The following CNBD1 variants were observed in gnomAD, a reference collection of about 807,000 sequenced individuals.
CNBD1 encodes the protein cyclic nucleotide binding domain containing 1, also known as cyclic nucleotide-binding domain-containing protein 1.
A neutral mutation model predicts 54.4 loss-of-function variants in CNBD1; 71 were observed. The ratio of observed to expected loss-of-function variants is 1.30; its 90% CI spans 1.08 to 1.59. The LOEUF is 1.59. CNBD1 is among the 40% of genes most tolerant of loss of function. CNBD1 has a pLI of 0.00. For synonymous variants in CNBD1, 182 were observed against 170.7 expected (o/e 1.07, Z -0.51); for missense variants, 659 against 518.0 (o/e 1.27, Z -2.64).
chr8:87,372,223 G>T (rs1331377988), intron 10 of CNBD1, among the ~76,000 whole-genome samples: 1 of 151,970 alleles, frequency 6.6e-6, no homozygotes, highest in Non-Finnish European at 1.5e-5. Context: ...AATCATGAGT[G>T]AACTCCCGTT....
At chr8:86,872,825 C>T (rs1002209595) in intron 1 of CNBD1, among the ~76,000 whole-genome samples, 3 of 152,090 alleles carry the variant, frequency 2.0e-5, no homozygotes, top group African/African-American at 7.2e-5. Flanking sequence ...GATATTACCC[C>T]CTTATCATAG....
intron 4 of CNBD1, among the ~76,000 whole-genome samples, chr8:86,940,215 C>G (rs887581288): frequency 7.1e-6 from 1 of 139,974 alleles, no homozygotes; most frequent in Non-Finnish European, 1.5e-5. Context: ...ACTGCAACCT[C>G]TGCTTCAATG....
At chr8:87,353,349 C>T (rs1389686599) in intron 9 of CNBD1, among the ~76,000 whole-genome samples, 5 of 152,092 alleles carry the variant, frequency 3.3e-5, no homozygotes, top group South Asian at 2.1e-4. Context: ...ATCCTAGATC[C>T]TTGAAATGTG....
chr8:87,284,708 G>A lies in CNBD1; in HGVS notation c.802G>A (p.Glu268Lys), dbSNP rs1435637706. Residue 268 changes from glutamate to lysine, a missense_variant, in exon 7 of 11, where the codon GAA becomes AAA. Glu to Lys is a moderately conservative substitution (Grantham distance 56). Coordinates refer to ENST00000518476, the MANE Select transcript of CNBD1 (RefSeq NM_173538.3). ...CAAATGGAGTACCTTTGGGACTCTGGAAGTTATGCCTCAGAATGAATCGGA... is the reference window on the plus strand; with the variant it reads ...CAAATGGAGTACCTTTGGGACTCTGAAAGTTATGCCTCAGAATGAATCGGA... Reference protein sequence around the residue: ...LSKWSTFGTLEVMPQNESETQ... With the variant: ...LSKWSTFGTLKVMPQNESETQ... The A allele has an allele frequency of 6.2e-7, 1 of 1,606,348 alleles. No individual in the cohort carries two copies. The highest frequency in any genetic ancestry group is 8.5e-7 in the Non-Finnish European group (1 of 1,176,580).
At chr8:87,321,600 C>G (rs1809534353) in intron 8 of CNBD1, among the ~76,000 whole-genome samples, 1 of 152,002 alleles carries the variant, frequency 6.6e-6, no homozygotes, top group Non-Finnish European at 1.5e-5. Context: ...AACCATTTAT[C>G]AGGTATATAG....
chr8:86,931,758 T>C (rs955118715), intron 3 of CNBD1, among the ~76,000 whole-genome samples: 8 of 152,118 alleles, frequency 5.3e-5, no homozygotes, highest in African/African-American at 7.2e-5. Flanking sequence ...CTGTGGCTGA[T>C]TCGGTAATAA....
chr8:87,201,219 A>G (rs2130793743), intron 4 of CNBD1, among the ~76,000 whole-genome samples: 1 of 152,320 alleles, frequency 6.6e-6, no homozygotes, highest in South Asian at 2.1e-4. Flanking sequence ...ACTCAACATA[A>G]TAAGAACAGA....
chr8:87,266,376 G>C (rs532182830), intron 6 of CNBD1, among the ~76,000 whole-genome samples: 2 of 142,204 alleles, frequency 1.4e-5, no homozygotes, highest in Non-Finnish European at 3.0e-5. Context: ...GCGACTGATA[G>C]GTAAGCACAC....
intron 4 of CNBD1, among the ~76,000 whole-genome samples, chr8:87,203,541 G>C (rs1469274847): frequency 6.6e-6 from 1 of 152,182 alleles, no homozygotes; most frequent in Non-Finnish European, 1.5e-5. Flanking sequence ...TGTGTAACTA[G>C]AGATAGAAGG....
At position 86,874,920 on chromosome 8, in the gene CNBD1, C is replaced by T. The variant is rs748651958; in HGVS notation, c.88+8337C>T. On this transcript the variant is annotated intron_variant, in intron 1 of 10. Transcript: ENST00000518476. ...CATTGATCTTAGGATGCCATTACTC[C>T]CAGGCCCTCTCAGTGGACAGATCTA... is the stretch of plus-strand genomic sequence containing the variant. Among the ~76,000 whole-genome samples the T allele has an allele frequency of 1.1e-4, 17 of 147,996 alleles. No individual in the cohort carries two copies. In the South Asian group the frequency reaches 1.7e-3, roughly 15 times the overall value.
At chr8:87,152,522 A>T (rs557080118) in intron 4 of CNBD1, among the ~76,000 whole-genome samples, 1 of 151,924 alleles carries the variant, frequency 6.6e-6, no homozygotes, top group African/African-American at 2.4e-5. Context: ...AGTTAAAGTC[A>T]TCCTGGGCTG....
chr8:87,363,268 A>T (rs1810559857), intron 10 of CNBD1, among the ~76,000 whole-genome samples: 1 of 152,064 alleles, frequency 6.6e-6, no homozygotes, highest in African/African-American at 2.4e-5. Flanking sequence ...GGTTGGTTCC[A>T]AGTATCTGCT....
downstream of CNBD1, among the ~76,000 whole-genome samples, chr8:87,383,401 C>G (rs561626331): frequency 2.6e-5 from 4 of 152,030 alleles, no homozygotes; most frequent in Non-Finnish European, 4.4e-5. Flanking sequence ...GTGTCTGACA[C>G]AATATTAGGT....
intron 8 of CNBD1, among the ~76,000 whole-genome samples, chr8:87,337,483 G>A (rs1033779056): frequency 6.6e-6 from 1 of 152,214 alleles, no homozygotes; most frequent in Non-Finnish European, 1.5e-5. Context: ...GGCTTAGACT[G>A]CAGGCAGCTT....
intron 4 of CNBD1, among the ~76,000 whole-genome samples, chr8:86,979,498 G>A (rs1327822482): frequency 2.6e-5 from 4 of 151,628 alleles, no homozygotes; most frequent in Non-Finnish European, 4.4e-5. Context: ...GGCTGAGGTG[G>A]GACTTTGCTT....
chr8:87,029,934 G>A (rs1262113635), intron 4 of CNBD1, among the ~76,000 whole-genome samples: 1 of 152,114 alleles, frequency 6.6e-6, no homozygotes, highest in Non-Finnish European at 1.5e-5. Flanking sequence ...CGTGTGTTCA[G>A]CATTTTATAT....
intron 4 of CNBD1, among the ~76,000 whole-genome samples, chr8:87,172,181 A>G (rs148873839): frequency 0.019 from 2,829 of 152,090 alleles, 26 homozygotes; most frequent in Non-Finnish European, 0.029. Flanking sequence ...GTTAATAATA[A>G]TAAGAATTCT....
intron 6 of CNBD1, among the ~76,000 whole-genome samples, chr8:87,275,027 G>A (rs1808444653): frequency 7.5e-6 from 1 of 133,846 alleles, no homozygotes. Context: ...TTATTAAATA[G>A]GGAATCCTTT....
chr8:87,195,411 A>G (rs1813697650), intron 4 of CNBD1, among the ~76,000 whole-genome samples: 1 of 151,332 alleles, frequency 6.6e-6, no homozygotes, highest in Non-Finnish European at 1.5e-5. Flanking sequence ...TAGTTTTAGT[A>G]GAGACAGGGT....
Sources: gnomAD v4.1 joint callset for allele counts (sites outside exome capture counted in the v4.1 genomes callset) on GRCh38, gnomAD v4.1.1 for gene constraint, MANE v1.5 for transcripts, NCBI Gene and HGNC (gene_info 2026-07-23, HGNC 2026-07-21) for gene names.